NME2: variants seen among roughly 807,000 people sequenced by gnomAD.
The protein encoded by NME2 is NME/NM23 nucleoside diphosphate kinase 2, also known as nucleoside diphosphate kinase B.
In NME2, 18 loss-of-function variants were observed where a neutral mutation model predicts 17.8. The observed-to-expected ratio is 1.01, with a 90% confidence interval of 0.70 to 1.50. The LOEUF is 1.50. Among genes scored for constraint, NME2 ranks in the 40% most tolerant of loss-of-function variants. The pLI, the probability that NME2 is intolerant of heterozygous loss-of-function variation, is 0.00. For missense variants in NME2, 161 were observed against 195.6 expected (o/e 0.82, Z 1.05); for synonymous variants, 74 against 71.4 (o/e 1.04, Z -0.19).
chr17:51,168,310 G>A lies in NME2; in HGVS notation c.195G>A (p.Val65=), dbSNP rs746602294. The A allele has an allele frequency of 3.1e-6, 5 of 1,613,912 alleles. No individual in the cohort carries two copies. Among genetic ancestry groups the A allele is most frequent in the East Asian group, 2.2e-5 (1 of 44,890 alleles). ...LKDRPFFPGL[V]KYMNSGPVVA... is the part of the protein sequence containing the mutation. ...ACCGACCATTCTTCCCTGGGCTGGT[G>A]AAGTACATGAACTCAGGGCCGGTTG... Residue 65 remains valine (V), a synonymous_variant, in exon 3 of 5, where the codon GTG becomes GTA. Coordinates refer to ENST00000512737, the MANE Select transcript of NME2 (RefSeq NM_002512.4).
chr17:51,166,373 C>G (rs1160147906), upstream of NME2: 1 of 152,544 alleles, frequency 6.6e-6, no homozygotes, highest in Admixed American at 6.5e-5. Context: ...CTGGGCCCTC[C>G]GGGGTGTGGC....
Position 51,171,550 on chromosome 17 carries a change from G to T in NME2, c.405G>T (p.Lys135Asn). The T allele has an allele frequency of 4.3e-6, 7 of 1,613,872 alleles. No individual in the cohort carries two copies. The highest frequency in any genetic ancestry group is 1.3e-5 in the African/African-American group (1 of 75,042). Reference protein sequence around the residue: ...SAEKEISLWFKPEELVDYKSC... With the variant: ...SAEKEISLWFNPEELVDYKSC... ...AAAAAGAAATCAGCCTATGGTTTAA[G>T]CCTGAAGAACTGGTTGACTACAAGT... Residue 135 changes from lysine to asparagine, a missense_variant, in exon 5 of 5, where the codon AAG (lysine) becomes AAT (asparagine). By Grantham distance (94) the Lys-to-Asn change is moderately conservative. Transcript: ENST00000512737.
chr17:51,166,783 C>G lies in NME2; in HGVS notation c.-4-44C>G, dbSNP rs754978413. ...GCCCACGTGGCCTCCGCGGGCCCCGCCAGAGCCTGCGCCCGGGCCCTGACC... is the reference window on the plus strand; with the variant it reads ...GCCCACGTGGCCTCCGCGGGCCCCGGCAGAGCCTGCGCCCGGGCCCTGACC... On this transcript the variant is annotated intron_variant, in intron 1 of 4. Coordinates refer to ENST00000512737, the MANE Select transcript of NME2 (RefSeq NM_002512.4). 3.9e-6 allele frequency: 6 copies of G among 1,550,162 alleles called. No individual in the cohort carries two copies. The South Asian group carries it at 7.0e-5, about 18-fold the overall frequency.
rs2050039500 is a variant in NME2 at position 51,170,155 on chromosome 17, T to TG, written c.341+106_341+107insG. On this transcript the variant is annotated intron_variant, in intron 4 of 4. Coordinates refer to ENST00000512737, the MANE Select transcript of NME2 (RefSeq NM_002512.4). ...AGAATCTGTGCCCTTTTTTTTTTTT[T>TG]TTTTTCTTGAGACGGAGTCTCCTTC... 5 of 983,020 alleles carry TG rather than the reference T, an allele frequency of 5.1e-6. No individual in the cohort carries two copies. The South Asian group carries it at 1.0e-4, about 20-fold the overall frequency. 60.9% of individuals were successfully genotyped at this position (983,020 alleles called of 1,614,324 possible). A position where few individuals can be genotyped will look rare whatever the true frequency, so the allele number is the denominator to read the frequency against.
rs2050072442 is a variant in NME2 at position 51,171,652 on chromosome 17, T to C, written c.*48T>C. 1 of 1,322,690 alleles carries C rather than the reference T, an allele frequency of 7.6e-7. No individual in the cohort carries two copies. The highest frequency in any genetic ancestry group is 1.1e-6 in the Non-Finnish European group (1 of 923,794). 81.9% of individuals were successfully genotyped at this position (1,322,690 alleles called of 1,614,324 possible). On this transcript the variant is annotated 3_prime_UTR_variant, in exon 5 of 5. Transcript: ENST00000512737. ...CCTTCAGCACGGCGTGGTGTGTCCC[T>C]GGACACAGCTCTTCATTCCATTGAC...
chr17:51,166,788 G>A lies in NME2; in HGVS notation c.-4-39G>A, dbSNP rs567778486. On this transcript the variant is annotated intron_variant, in intron 1 of 4. Coordinates refer to ENST00000512737, the MANE Select transcript of NME2 (RefSeq NM_002512.4). ...CGTGGCCTCCGCGGGCCCCGCCAGAGCCTGCGCCCGGGCCCTGACCGCACC... is the reference window on the plus strand; with the variant it reads ...CGTGGCCTCCGCGGGCCCCGCCAGAACCTGCGCCCGGGCCCTGACCGCACC... 8.4e-5 allele frequency: 132 copies of A among 1,562,528 alleles called. 1 individual carries two copies. The South Asian group carries it at 1.5e-3, about 18-fold the overall frequency.
Position 51,170,299 on chromosome 17 carries a change from G to A in NME2, c.341+250G>A, listed in dbSNP as rs8073606. Among the ~76,000 whole-genome samples the A allele has an allele frequency of 3.3e-4, 50 of 151,578 alleles. No homozygotes were observed. In the East Asian group the frequency reaches 8.7e-3, roughly 27 times the overall value. ...TGGGATTACAGGTGCACACTGCCAC[G>A]CCCGGCTAATTTTTGTATTTTTAGT... On this transcript the variant is annotated intron_variant, in intron 4 of 4. Coordinates refer to ENST00000512737, the MANE Select transcript of NME2 (RefSeq NM_002512.4).
At position 51,169,998 on chromosome 17, in the gene NME2, C is replaced by T; in HGVS notation, c.290C>T (p.Ala97Val). ...GTGATGCTTGGGGAGACCAATCCAGCAGATTCAAAGCCAGGCACCATTCGT... is the reference window on the plus strand; with the variant it reads ...GTGATGCTTGGGGAGACCAATCCAGTAGATTCAAAGCCAGGCACCATTCGT... ...GRVMLGETNP[A>V]DSKPGTIRGD... Residue 97 changes from alanine to valine, a missense_variant, in exon 4 of 5, where the codon GCA becomes GTA. Coordinates refer to ENST00000512737, the MANE Select transcript of NME2 (RefSeq NM_002512.4). 6.2e-7 allele frequency: 1 copy of T among 1,613,342 alleles called. No homozygotes were observed. The highest frequency in any genetic ancestry group is 8.5e-7 in the Non-Finnish European group (1 of 1,179,756).
chr17:51,165,900 G>C (rs1488968814), upstream of NME2: 3 of 152,440 alleles, frequency 2.0e-5, no homozygotes, highest in South Asian at 6.2e-4. Context: ...GGTTTGCGCG[G>C]AGAGGTGAGA....
chr17:51,171,309 A>G (rs558575571), intron 4 of NME2, among the ~76,000 whole-genome samples, 178 bp from the exon 5 acceptor site: 12 of 152,324 alleles, frequency 7.9e-5, no homozygotes, highest in Non-Finnish European at 1.6e-4. Flanking sequence ...GTTTTAAATC[A>G]AGCACTTTTA....
chr17:51,166,851 C>G lies in NME2; in HGVS notation c.21C>G (p.Thr7=). Reference sequence around the variant, plus strand: ...GGACCATGGCCAACCTGGAGCGCACCTTCATCGCCATCAAGCCGGACGGCG... The same window carrying G: ...GGACCATGGCCAACCTGGAGCGCACGTTCATCGCCATCAAGCCGGACGGCG... The part of the protein sequence containing the change: MANLER[T]FIAIKPDGVQ... Residue 7 remains threonine, a synonymous_variant, in exon 2 of 5, where the codon ACC becomes ACG. Transcript: ENST00000512737. 1 of 1,613,444 alleles carries G rather than the reference C, an allele frequency of 6.2e-7. No individual in the cohort carries two copies. The highest frequency in any genetic ancestry group is 8.5e-7 in the Non-Finnish European group (1 of 1,179,676).
chr17:51,166,825 A>G lies in NME2; in HGVS notation c.-4-2A>G. On this transcript the variant is annotated splice_acceptor_variant, in intron 1 of 4. Coordinates refer to ENST00000512737, the MANE Select transcript of NME2 (RefSeq NM_002512.4). LOFTEE classifies it low-confidence loss of function (5UTR_SPLICE). ...GCCCTGACCGCACCTCTCGCCCCGCAGGACCATGGCCAACCTGGAGCGCAC... is the reference window on the plus strand; with the variant it reads ...GCCCTGACCGCACCTCTCGCCCCGCGGGACCATGGCCAACCTGGAGCGCAC... 6.2e-7 allele frequency: 1 copy of G among 1,610,384 alleles called. No individual in the cohort carries two copies. Among genetic ancestry groups the G allele is most frequent in the Non-Finnish European group, 8.5e-7 (1 of 1,178,400 alleles).
upstream of NME2, chr17:51,165,643 C>A (rs1370946366): frequency 6.6e-6 from 1 of 152,528 alleles, no homozygotes; most frequent in Admixed American, 6.5e-5. Flanking sequence ...GGGCGCACCT[C>A]AGGGTGAACT....
upstream of NME2, among the ~76,000 whole-genome samples, chr17:51,166,115 C>CTGTGTGTGTG (rs34942810): frequency 6.7e-5 from 10 of 148,968 alleles, no homozygotes; most frequent in South Asian, 6.4e-4. Context: ...GGAGCAGGTT[C>CTGTGTGTGTG]TGTGTGTGTG....
chr17:51,166,115 CTGTGTGTGTGTGTGTG>C (rs34942810), upstream of NME2, among the ~76,000 whole-genome samples: 1 of 148,860 alleles, frequency 6.7e-6, no homozygotes, highest in East Asian at 2.0e-4. Context: ...GGAGCAGGTT[CTGTGTGTGTGTGTGTG>C]TGTGTGTGTG....
rs867082303 is a variant in NME2, at chr17:51,167,034, G to T, written c.126+78G>T. 17 of 1,606,484 alleles carry T rather than the reference G, an allele frequency of 1.1e-5. No individual in the cohort carries two copies. The African/African-American group carries it at 1.2e-4, about 11-fold the overall frequency. ...TCCCTCCCGGCGGCGGTTTGTCCGC[G>T]TCTGCTTTCCGAGTTCATTTCGCTG... is the stretch of plus-strand genomic sequence containing the variant. On this transcript the variant is annotated intron_variant, in intron 2 of 4. Coordinates refer to ENST00000512737, the MANE Select transcript of NME2 (RefSeq NM_002512.4).
At chr17:51,168,612 A>T (rs917658056) in intron 3 of NME2, among the ~76,000 whole-genome samples, 4 of 152,136 alleles carry the variant, frequency 2.6e-5, no homozygotes, top group African/African-American at 9.7e-5. Flanking sequence ...CGGAGGTTGC[A>T]GTGAGCCGAG....
At chr17:51,170,176 CCTT>C (rs1473683002) in intron 4 of NME2, 127 bp downstream of exon 4, 16 of 738,096 alleles carry the variant, frequency 2.2e-5, no homozygotes, top group Admixed American at 1.1e-4. Context: ...GACGGAGTCT[CCTT>C]CTGCCTAGCT....
At chr17:51,167,018 G>A in intron 2 of NME2, 62 bp downstream of exon 2, 1 of 1,608,672 alleles carries the variant, frequency 6.2e-7, no homozygotes, top group Non-Finnish European at 8.5e-7. Flanking sequence ...TTCCCTCCCG[G>A]CGGCGGTTTG....
Sources: allele counts gnomAD v4.1 joint callset (sites outside exome capture counted in the v4.1 genomes callset), GRCh38; gene constraint gnomAD v4.1.1; transcripts MANE v1.5; gene names NCBI Gene and HGNC (gene_info 2026-07-23, HGNC 2026-07-21).